Variants in GABRB3 observed in about 807,000 individuals in gnomAD.
GABRB3 encodes gamma-aminobutyric acid receptor subunit beta-3.
GABRB3 carries 14 observed loss-of-function variants against 52.1 expected under a neutral mutation model. That is an observed-to-expected ratio of 0.27 (90% CI 0.18 to 0.42). The LOEUF (loss-of-function observed/expected upper bound fraction) is 0.42, where lower values mean the gene tolerates loss of function less well. Among genes scored for constraint, GABRB3 ranks in the 10% least tolerant of loss-of-function variants. The pLI is 1.00. For missense variants in GABRB3, 307 were observed against 609.1 expected (o/e 0.50, Z 5.22); for synonymous variants, 260 against 232.3 (o/e 1.12, Z -1.08).
At chr15:26,769,628 T>A (rs1891091633) in intron 3 of GABRB3, among the ~76,000 whole-genome samples, 1 of 152,200 alleles carries the variant, frequency 6.6e-6, no homozygotes, top group South Asian at 2.1e-4. Context: ...TTTTCTTTCC[T>A]AACCCAGAAT....
At chr15:26,718,131 C>G (rs1302360045) in intron 3 of GABRB3, among the ~76,000 whole-genome samples, 3 of 152,198 alleles carry the variant, frequency 2.0e-5, no homozygotes, top group Non-Finnish European at 4.4e-5. Context: ...AAAAAAGAAA[C>G]TTCCCCAAAG....
chr15:26,554,169 A>ATG (rs1446559832), intron 8 of GABRB3, among the ~76,000 whole-genome samples: 2 of 25,496 alleles, frequency 7.8e-5, no homozygotes, highest in Non-Finnish European at 1.3e-4. Context: ...AAGTATATAT[A>ATG]TATAAAGTAT....
chr15:26,586,474 A>C (rs1166904263), intron 4 of GABRB3, among the ~76,000 whole-genome samples: 1 of 150,656 alleles, frequency 6.6e-6, no homozygotes, highest in Non-Finnish European at 1.5e-5. Flanking sequence ...CACCATGTGC[A>C]GTGGTCACAT....
chr15:26,641,574 C>G (rs1893201608), intron 3 of GABRB3, among the ~76,000 whole-genome samples: 1 of 152,258 alleles, frequency 6.6e-6, no homozygotes, highest in Non-Finnish European at 1.5e-5. Context: ...TGCCCCTCAA[C>G]TGTCCTTGAT....
intron 3 of GABRB3, among the ~76,000 whole-genome samples, chr15:26,761,957 C>T (rs896851919): frequency 4.6e-5 from 7 of 152,098 alleles, no homozygotes; most frequent in Admixed American, 2.0e-4. Context: ...CTCAGCCTCC[C>T]GAGCAGCTGG....
In GABRB3 at chr15:26,742,947, T is replaced by TTTTTTG. The variant is rs771203717; in HGVS notation, c.240+29454_240+29455insCAAAAA. On this transcript the variant is annotated intron_variant, in intron 3 of 8. Coordinates refer to ENST00000311550, the MANE Select transcript of GABRB3 (RefSeq NM_000814.6). ...TTCTTTTTTTTTTTTTTTTTTTTTT[T>TTTTTTG]GAGACAGAGTCTCGCTATGGCGCCC... Among the ~76,000 whole-genome samples the TTTTTTG allele has an allele frequency of 6.0e-4, 63 of 104,190 alleles. 2 individuals are homozygous for TTTTTTG. The highest frequency in any genetic ancestry group is 1.2e-3 in the East Asian group (4 of 3,280). The allele number at this position is 104,190 out of a possible 152,430, so 68.4% of individuals were successfully genotyped here.
intron 3 of GABRB3, among the ~76,000 whole-genome samples, chr15:26,694,546 G>A (rs1228770625): frequency 1.3e-5 from 2 of 152,146 alleles, no homozygotes; most frequent in Non-Finnish European, 2.9e-5. Flanking sequence ...TACAGCTACA[G>A]CAAAGAGTAA....
intron 3 of GABRB3, among the ~76,000 whole-genome samples, chr15:26,654,078 G>A (rs1887285923): frequency 6.6e-6 from 1 of 152,188 alleles, no homozygotes. Context: ...ATCTACAGAA[G>A]ATGCACTATA....
At position 26,580,268 on chromosome 15, in the gene GABRB3, G is replaced by A. The variant is rs754465356; in HGVS notation, c.682+51C>T. The A allele has an allele frequency of 2.0e-5, 32 of 1,610,114 alleles. No individual in the cohort carries two copies. Among genetic ancestry groups the A allele is most frequent in the Non-Finnish European group, 2.5e-5 (30 of 1,176,918 alleles). Reference sequence around the variant, plus strand: ...CAGCACATTTTGTCACTCCAGTCACGCCCATGGAGCCAGTGCCCCTGAAGG... The same window carrying A: ...CAGCACATTTTGTCACTCCAGTCACACCCATGGAGCCAGTGCCCCTGAAGG... On this transcript the variant is annotated intron_variant, in intron 6 of 8. Transcript: ENST00000311550.
At position 26,704,587 on chromosome 15, in the gene GABRB3, T is replaced by C. The variant is rs149030333; in HGVS notation, c.240+67815A>G. ...CTTTTAATTATAAATCATCTTTAAA[T>C]ATTTCTCTCTTCTCATATTTTACTG... On this transcript the variant is annotated intron_variant, in intron 3 of 8. Coordinates refer to ENST00000311550, the MANE Select transcript of GABRB3 (RefSeq NM_000814.6). 2.9e-3 allele frequency among the ~76,000 whole-genome samples: 430 copies of C among 150,136 alleles called. 2 individuals are homozygous for C. Among genetic ancestry groups the C allele is most frequent in the African/African-American group, 9.3e-3 (384 of 41,294 alleles).
intron 4 of GABRB3, among the ~76,000 whole-genome samples, chr15:26,595,444 A>T: frequency 6.6e-6 from 1 of 152,332 alleles, no homozygotes; most frequent in Non-Finnish European, 1.5e-5. Context: ...AAAATGCCAC[A>T]AAACTTTCCT....
intron 3 of GABRB3, among the ~76,000 whole-genome samples, chr15:26,704,969 C>G (rs1889051924): frequency 6.6e-6 from 1 of 152,180 alleles, no homozygotes; most frequent in African/African-American, 2.4e-5. Flanking sequence ...CACTTCAGAA[C>G]TGTCCCAAGC....
At chr15:26,694,157 C>G (rs1388098335) in intron 3 of GABRB3, among the ~76,000 whole-genome samples, 1 of 152,102 alleles carries the variant, frequency 6.6e-6, no homozygotes, top group Non-Finnish European at 1.5e-5. Flanking sequence ...GAGTCTTCTT[C>G]CCTTAACAAA....
upstream of GABRB3, chr15:26,773,744 A>C (rs1891228988): frequency 6.4e-7 from 1 of 1,552,240 alleles, no homozygotes; most frequent in African/African-American, 1.4e-5. Context: ...CCTCCGGCCT[A>C]ACCTGCTGGG....
At chr15:26,710,593 C>T (rs1413822155) in intron 3 of GABRB3, among the ~76,000 whole-genome samples, 1 of 152,172 alleles carries the variant, frequency 6.6e-6, no homozygotes, top group Non-Finnish European at 1.5e-5. Context: ...CTGGGTCATA[C>T]AGTAACGCTA....
chr15:26,551,048 A>G (rs1252568998), intron 8 of GABRB3, among the ~76,000 whole-genome samples: 2 of 152,218 alleles, frequency 1.3e-5, no homozygotes, highest in Non-Finnish European at 2.9e-5. Context: ...CCCAGCACAT[A>G]CTAAGCCTGA....
intron 3 of GABRB3, among the ~76,000 whole-genome samples, chr15:26,709,789 T>G (rs535581432): frequency 6.6e-6 from 1 of 152,252 alleles, no homozygotes; most frequent in East Asian, 1.9e-4. Context: ...AGTGCTGGGA[T>G]TACAGGCGTG....
At chr15:26,733,091 G>A (rs7180158) in intron 3 of GABRB3, among the ~76,000 whole-genome samples, 30,690 of 151,952 alleles carry the variant, frequency 0.2, 4,793 homozygotes, top group African/African-American at 0.43. Context: ...GATCAGGAAC[G>A]AGGCAAGAAG....
chr15:26,757,991 T>C (rs1350791417), intron 3 of GABRB3, among the ~76,000 whole-genome samples: 1 of 152,158 alleles, frequency 6.6e-6, no homozygotes, highest in Non-Finnish European at 1.5e-5. Context: ...CCACTATCAG[T>C]ATAATGGAAT....
Sources: gnomAD v4.1 joint callset for allele counts (sites outside exome capture counted in the v4.1 genomes callset) on GRCh38, gnomAD v4.1.1 for gene constraint, MANE v1.5 for transcripts, NCBI Gene and HGNC (gene_info 2026-07-23, HGNC 2026-07-21) for gene names.